The following NRXN1 variants were observed in gnomAD, a reference collection of about 807,000 sequenced individuals.
NRXN1 encodes the protein neurexin-1.
A neutral mutation model predicts 150.9 loss-of-function variants in NRXN1; 39 were observed. The ratio of observed to expected loss-of-function variants is 0.26; its 90% CI spans 0.20 to 0.34. The LOEUF (loss-of-function observed/expected upper bound fraction) is 0.34. NRXN1 is among the 10% of genes least tolerant of loss of function. NRXN1 has a pLI of 1.00. For missense variants in NRXN1, 1,815 were observed against 1,949.9 expected, an observed-to-expected ratio of 0.93 and a Z score of 1.30; for synonymous variants, 924 against 757.0, an observed-to-expected ratio of 1.22 and a Z score of -3.62.
chr2:50,281,383 C>T (rs2071442708), intron 17 of NRXN1, among the ~76,000 whole-genome samples: 1 of 151,976 alleles, frequency 6.6e-6, no homozygotes, highest in Admixed American at 6.6e-5. Flanking sequence ...TTTGTTCTGT[C>T]CTTTTTGTTT....
At chr2:50,044,522 A>G (rs1691506685) in intron 21 of NRXN1, among the ~76,000 whole-genome samples, 1 of 152,208 alleles carries the variant, frequency 6.6e-6, no homozygotes, top group Admixed American at 6.5e-5. Context: ...TGAAACACTT[A>G]AGAAGCATGT....
intron 5 of NRXN1, among the ~76,000 whole-genome samples, chr2:50,832,335 T>C (rs1295566477): frequency 6.6e-6 from 1 of 152,126 alleles, no homozygotes; most frequent in East Asian, 1.9e-4. Flanking sequence ...TATGGATTAA[T>C]TGATTTGGGA....
At chr2:50,432,621 C>T (rs936766058) in intron 17 of NRXN1, among the ~76,000 whole-genome samples, 1 of 152,216 alleles carries the variant, frequency 6.6e-6, no homozygotes, top group Non-Finnish European at 1.5e-5. Flanking sequence ...CCTTCATTTA[C>T]ATCTGATTAC....
At chr2:50,708,546 G>A (rs1433143548) in intron 5 of NRXN1, among the ~76,000 whole-genome samples, 1 of 152,162 alleles carries the variant, frequency 6.6e-6, no homozygotes, top group Non-Finnish European at 1.5e-5. Context: ...CACAGTTTAA[G>A]AGAAGTTTCT....
chr2:50,648,777 C>A (rs1287730505), intron 5 of NRXN1, among the ~76,000 whole-genome samples: 1 of 151,922 alleles, frequency 6.6e-6, no homozygotes, highest in Non-Finnish European at 1.5e-5. Context: ...CATGCTTCTA[C>A]CCCACTTCTA....
intron 18 of NRXN1, among the ~76,000 whole-genome samples, chr2:50,167,099 T>TA (rs1243967602): frequency 1.3e-5 from 2 of 152,160 alleles, no homozygotes; most frequent in Non-Finnish European, 2.9e-5. Context: ...GGGATGGCTT[T>TA]ATGGAAAAGT....
At chr2:50,374,294 AAAATAAATAAAT>A (rs71404951) in intron 17 of NRXN1, among the ~76,000 whole-genome samples, 29 of 136,532 alleles carry the variant, frequency 2.1e-4, no homozygotes, top group South Asian at 7.4e-4. Flanking sequence ...CTGTCTCAAG[AAAATAAATAAAT>A]AAATAAATAA....
chr2:50,485,022 C>T (rs1395998810), intron 15 of NRXN1, among the ~76,000 whole-genome samples: 1 of 152,150 alleles, frequency 6.6e-6, no homozygotes, highest in Non-Finnish European at 1.5e-5. Flanking sequence ...GACCTGGGTT[C>T]AAATTCTGTT....
intron 17 of NRXN1, among the ~76,000 whole-genome samples, chr2:50,415,193 C>T (rs1351415799): frequency 1.3e-5 from 2 of 150,026 alleles, no homozygotes; most frequent in African/African-American, 4.8e-5. Context: ...AACTGAAGGT[C>T]TTTCTATAAA....
intron 2 of NRXN1, among the ~76,000 whole-genome samples, chr2:51,027,182 A>G (rs971611798): frequency 6.6e-6 from 1 of 152,198 alleles, no homozygotes; most frequent in Admixed American, 6.5e-5. Flanking sequence ...CCGCGGCCCA[A>G]TATAGGGCCC....
chr2:50,160,346 G>A (rs1232138573), intron 18 of NRXN1, among the ~76,000 whole-genome samples: 1 of 152,018 alleles, frequency 6.6e-6, no homozygotes, highest in East Asian at 1.9e-4. Context: ...TTCGAAACCA[G>A]CCTGACCAAC....
intron 5 of NRXN1, among the ~76,000 whole-genome samples, chr2:50,738,989 T>C (rs545620581): frequency 6.6e-6 from 1 of 152,180 alleles, no homozygotes; most frequent in Non-Finnish European, 1.5e-5. Flanking sequence ...TTTGGAACAC[T>C]TGGTTTGGCT....
chr2:50,751,828 C>G (rs1462775910), intron 5 of NRXN1, among the ~76,000 whole-genome samples: 1 of 151,938 alleles, frequency 6.6e-6, no homozygotes, highest in Non-Finnish European at 1.5e-5. Context: ...GCAAAACTTT[C>G]CACAGGTGTC....
chr2:50,150,271 A>G (rs964616425), intron 18 of NRXN1, among the ~76,000 whole-genome samples: 2 of 151,810 alleles, frequency 1.3e-5, no homozygotes, highest in Non-Finnish European at 2.9e-5. Flanking sequence ...GTCTTCATGC[A>G]TGCACCACAT....
At chr2:50,285,317 C>T (rs2071996406) in intron 17 of NRXN1, among the ~76,000 whole-genome samples, 1 of 152,128 alleles carries the variant, frequency 6.6e-6, no homozygotes, top group Non-Finnish European at 1.5e-5. Flanking sequence ...CATTCTAGTT[C>T]AGAGTTTGGG....
chr2:50,979,217 G>A (rs1696386113), intron 2 of NRXN1: 1 of 514,004 alleles, frequency 1.9e-6, no homozygotes, highest in Non-Finnish European at 3.9e-6. Context: ...TTTCCTCTGT[G>A]ATATGAGAAA....
chr2:50,043,651 A>G (rs1051944398), intron 21 of NRXN1, among the ~76,000 whole-genome samples: 4 of 152,184 alleles, frequency 2.6e-5, no homozygotes, highest in Admixed American at 2.6e-4. Flanking sequence ...TGCAAAGGTA[A>G]GCTTGGAGGT....
intron 18 of NRXN1, among the ~76,000 whole-genome samples, chr2:50,212,447 G>A (rs1242390923): frequency 6.6e-6 from 1 of 151,442 alleles, no homozygotes; most frequent in South Asian, 2.1e-4. Flanking sequence ...AGTCTTGTAA[G>A]AGCATCGATT....
rs112266853 is a variant in NRXN1, at chr2:50,951,468, T to C, written c.773-25513A>G. ...AGCCTAGAACCTAGCTTTAAGTAAA[T>C]TGAACACCAAGTATTTTTGGCACAC... On this transcript the variant is annotated intron_variant, in intron 2 of 22. Transcript: ENST00000401669. Among the ~76,000 whole-genome samples, 302 of 152,310 alleles carry C rather than the reference T, an allele frequency of 2.0e-3. 4 individuals carry two copies. Among genetic ancestry groups the C allele is most frequent in the African/African-American group, 7.0e-3 (293 of 41,580 alleles).
Sources: gnomAD v4.1 joint callset for allele counts (sites outside exome capture counted in the v4.1 genomes callset) on GRCh38, gnomAD v4.1.1 for gene constraint, MANE v1.5 for transcripts, NCBI Gene and HGNC (gene_info 2026-07-23, HGNC 2026-07-21) for gene names.